The following CSPP1 variants were observed in gnomAD, a reference collection of about 807,000 sequenced individuals.
CSPP1 encodes the protein centrosome and spindle pole associated protein 1.
A neutral mutation model predicts 164.4 loss-of-function variants in CSPP1; 126 were observed. That is an observed-to-expected ratio of 0.77 (90% CI 0.66 to 0.89). CSPP1 has a LOEUF of 0.89. Among genes scored for constraint, CSPP1 ranks in the 40% least tolerant of loss-of-function variants. The pLI is 0.00. For synonymous variants in CSPP1, 472 were observed against 476.7 expected (o/e 0.99, Z 0.13); for missense variants, 1,395 against 1,449.8 (o/e 0.96, Z 0.61).
Position 67,149,796 on chromosome 8 carries a change from G to T in CSPP1, c.1989G>T (p.Arg663Ser). The T allele has an allele frequency of 6.3e-7, 1 of 1,579,690 alleles. No individual in the cohort carries two copies. The highest frequency in any genetic ancestry group is 1.2e-5 in the South Asian group (1 of 83,126). ...TTTTCCTCTCAGCTGATTTGAATAG[G>T]ATGCACAGACAAAATATAGATGCCT... ...AKGNLITDLNRMHRQNIDAYH... is the reference protein window; with the variant it reads ...AKGNLITDLNSMHRQNIDAYH... Residue 663 changes from arginine (R) to serine (S), a missense_variant, in exon 18 of 31, where the codon AGG becomes AGT. By Grantham distance (110) the Arg-to-Ser change is moderately radical. Transcript: ENST00000678616.
intron 2 of CSPP1, among the ~76,000 whole-genome samples, chr8:67,075,813 T>A (rs1807791670): frequency 6.6e-6 from 1 of 152,136 alleles, no homozygotes; most frequent in African/African-American, 2.4e-5. Context: ...CTCACAGGAG[T>A]TAAGTAATTT....
chr8:67,075,911 C>A (rs1382326852), intron 2 of CSPP1, among the ~76,000 whole-genome samples: 5 of 152,128 alleles, frequency 3.3e-5, no homozygotes, highest in African/African-American at 1.2e-4. Flanking sequence ...GTAGTTAGGA[C>A]CAGCTTACGG....
At chr8:67,107,002 TTTTA>T (rs559572119) in intron 9 of CSPP1, among the ~76,000 whole-genome samples, 148 of 152,172 alleles carry the variant, frequency 9.7e-4, no homozygotes, top group African/African-American at 3.3e-3. Context: ...TTTGTTTTGT[TTTTA>T]TTTATTTATT....
In CSPP1 at chr8:67,102,588, C is replaced by CA. The variant is rs201720144; in HGVS notation, c.924-440dup. Reference sequence around the variant, plus strand: ...CTGGCGACACAGCAAGACTCCGTCTCAAAAAAAAAGAAGGTTATACGTACA... The same window carrying CA: ...CTGGCGACACAGCAAGACTCCGTCTCAAAAAAAAAAGAAGGTTATACGTACA... On this transcript the variant is annotated intron_variant, in intron 7 of 30. Coordinates refer to ENST00000678616, the MANE Select transcript of CSPP1 (RefSeq NM_001382391.1). Among the ~76,000 whole-genome samples the CA allele has an allele frequency of 5.5e-4, 82 of 149,576 alleles. No individual in the cohort carries two copies. The East Asian group carries it at 5.7e-3, about 10-fold the overall frequency.
intron 7 of CSPP1, among the ~76,000 whole-genome samples, chr8:67,102,471 T>C (rs1251184596): frequency 6.6e-6 from 1 of 152,232 alleles, no homozygotes; most frequent in African/African-American, 2.4e-5. Flanking sequence ...GCGCCTATAG[T>C]CCCAGCTACT....
intron 28 of CSPP1, among the ~76,000 whole-genome samples, chr8:67,181,164 A>G (rs1832925969): frequency 6.6e-6 from 1 of 151,728 alleles, no homozygotes; most frequent in Non-Finnish European, 1.5e-5. Flanking sequence ...CAGCCTCCCC[A>G]GTAGCTGGGA....
chr8:67,195,843 A>C lies in CSPP1; in HGVS notation c.*250A>C. 1 of 443,872 alleles carries C rather than the reference A, an allele frequency of 2.3e-6. No individual in the cohort carries two copies. Among genetic ancestry groups the C allele is most frequent in the South Asian group, 2.6e-5 (1 of 37,792 alleles). The allele number at this position is 443,872 out of a possible 1,614,324, so 27.5% of individuals were successfully genotyped here. On this transcript the variant is annotated 3_prime_UTR_variant, in exon 31 of 31. Transcript: ENST00000678616. ...ATAAATTAGGGTGGTAATGAACTGG[A>C]TTGAACTACTATATGTGCATTATAT...
At chr8:67,192,585 TTAA>T (rs1419613601) in intron 29 of CSPP1, among the ~76,000 whole-genome samples, 25 of 151,804 alleles carry the variant, frequency 1.6e-4, no homozygotes, top group African/African-American at 5.8e-4. Context: ...TTTTGGTGTC[TTAA>T]TTAAGAAACC....
rs778627840 is a variant in CSPP1, at chr8:67,064,395, T to G, written c.-154T>G. The G allele has an allele frequency of 3.1e-6, 5 of 1,613,000 alleles. No individual in the cohort carries two copies. In the South Asian group the frequency reaches 3.3e-5, roughly 11 times the overall value. ...GGGGCGGAGCCCCGGCCCGGAGGTC[T>G]GTCATGCTGTTCCCGCTCCAGGTGG... On this transcript the variant is annotated 5_prime_UTR_variant, in exon 1 of 31. Transcript: ENST00000678616.
chr8:67,072,040 T>G (rs1056923654), intron 1 of CSPP1, among the ~76,000 whole-genome samples: 1 of 152,198 alleles, frequency 6.6e-6, no homozygotes, highest in African/African-American at 2.4e-5. Context: ...CTCAGCACTT[T>G]GGGAGGCCAA....
rs74996372 is a variant in CSPP1, at chr8:67,175,648, A to G, written c.3109+212A>G. 2.5e-3 allele frequency: 1,711 copies of G among 675,410 alleles called. 37 individuals carry two copies. The East Asian group carries it at 0.045, about 18-fold the overall frequency. The allele number at this position is 675,410 out of a possible 1,614,324, so 41.8% of individuals were successfully genotyped here. On this transcript the variant is annotated intron_variant, in intron 26 of 30. Coordinates refer to ENST00000678616, the MANE Select transcript of CSPP1 (RefSeq NM_001382391.1). Reference sequence around the variant, plus strand: ...CTAGGGTGGTGTATTCATGCATGAGAGGGGCCCAGTCATTCACTGTAGCCA... The same window carrying G: ...CTAGGGTGGTGTATTCATGCATGAGGGGGGCCCAGTCATTCACTGTAGCCA...
rs184259296 is a variant in CSPP1, at chr8:67,170,148, A to C, written c.2829-2268A>C. Among the ~76,000 whole-genome samples, 10 of 151,892 alleles carry C rather than the reference A, an allele frequency of 6.6e-5. No individual in the cohort carries two copies. The South Asian group carries it at 8.4e-4, about 13-fold the overall frequency. ...TATACTAGGTACTTAACAGTATAGC[A>C]TTTATCTCAATTCTGACCGGATATG... On this transcript the variant is annotated intron_variant, in intron 24 of 30. Transcript: ENST00000678616.
intron 3 of CSPP1, among the ~76,000 whole-genome samples, chr8:67,081,746 C>T (rs1281681736): frequency 6.6e-6 from 1 of 152,178 alleles, no homozygotes; most frequent in East Asian, 1.9e-4. Flanking sequence ...TTTCTCCCCA[C>T]CACCCAGTTT....
intron 1 of CSPP1, among the ~76,000 whole-genome samples, chr8:67,068,458 G>A (rs1189563320): frequency 6.6e-6 from 1 of 152,104 alleles, no homozygotes; most frequent in Admixed American, 6.6e-5. Context: ...ACTTTATATT[G>A]TAGAGTGTCA....
intron 1 of CSPP1, among the ~76,000 whole-genome samples, chr8:67,073,611 T>TA (rs1345692894): frequency 6.6e-6 from 1 of 152,184 alleles, no homozygotes; most frequent in Non-Finnish European, 1.5e-5. Context: ...GACAATAGAT[T>TA]AAAAAATCAG....
chr8:67,083,595 A>C (rs983234058), intron 3 of CSPP1: 1 of 147,404 alleles, frequency 6.8e-6, no homozygotes, highest in African/African-American at 2.5e-5. Context: ...ATAATAATGT[A>C]AATGAAAATG....
At chr8:67,095,973 T>C (rs188721685) in intron 7 of CSPP1, among the ~76,000 whole-genome samples, 1 of 152,268 alleles carries the variant, frequency 6.6e-6, no homozygotes, top group Non-Finnish European at 1.5e-5. Context: ...ACACCCTTTA[T>C]GTAAAAGTAT....
chr8:67,161,269 C>T (rs1828288204), intron 21 of CSPP1, among the ~76,000 whole-genome samples: 1 of 152,150 alleles, frequency 6.6e-6, no homozygotes, highest in South Asian at 2.1e-4. Context: ...GCTCCATCCT[C>T]TACAGGGATT....
At chr8:67,100,608 C>A (rs533931209) in intron 7 of CSPP1, among the ~76,000 whole-genome samples, 125 of 150,426 alleles carry the variant, frequency 8.3e-4, no homozygotes, top group Middle Eastern at 6.8e-3. Context: ...GAGACAGGGT[C>A]TTACTCTGTT....
Sources: allele counts gnomAD v4.1 joint callset (sites outside exome capture counted in the v4.1 genomes callset), GRCh38; gene constraint gnomAD v4.1.1; transcripts MANE v1.5; gene names NCBI Gene and HGNC (gene_info 2026-07-23, HGNC 2026-07-21).